FLRT1: variants seen among roughly 807,000 people sequenced by gnomAD.
FLRT1 encodes the protein fibronectin leucine rich transmembrane protein 1.
FLRT1 carries 14 observed loss-of-function variants against 30.9 expected under a neutral mutation model. The observed-to-expected ratio is 0.45, with a 90% CI of 0.30 to 0.71. The LOEUF (loss-of-function observed/expected upper bound fraction) is 0.71. Ranked by LOEUF, FLRT1 falls within the 30% of genes least tolerant of loss-of-function variation. The probability of loss-of-function intolerance (pLI) is 0.08; values close to 1 mark genes in which losing one functional copy is unlikely to be tolerated. For synonymous variants in FLRT1, 368 were observed against 430.4 expected, an observed-to-expected ratio of 0.85 and a Z score of 1.80; for missense variants, 737 against 949.2, an observed-to-expected ratio of 0.78 and a Z score of 2.94.
intron 1 of FLRT1, among the ~76,000 whole-genome samples, chr11:64,098,855 T>A (rs2134549784): frequency 6.6e-6 from 1 of 152,178 alleles, no homozygotes; most frequent in South Asian, 2.1e-4. Context: ...CCCACCTGGG[T>A]TTCTAGCAGC....
chr11:64,084,879 C>T (rs1471545634), intron 1 of FLRT1, among the ~76,000 whole-genome samples: 1 of 152,230 alleles, frequency 6.6e-6, no homozygotes, highest in Non-Finnish European at 1.5e-5. Context: ...ACAGGGAGAG[C>T]TGCGTGTGTG....
intron 1 of FLRT1, among the ~76,000 whole-genome samples, chr11:64,095,162 C>A (rs1944555231): frequency 6.6e-6 from 1 of 152,214 alleles, no homozygotes; most frequent in Non-Finnish European, 1.5e-5. Context: ...ATTCCACTCT[C>A]GTGTGAGGTG....
chr11:64,089,072 T>C (rs1944444601), intron 1 of FLRT1, among the ~76,000 whole-genome samples: 1 of 152,040 alleles, frequency 6.6e-6, no homozygotes, highest in South Asian at 2.1e-4. Flanking sequence ...CTGTCCTCCC[T>C]CCCTCCGGCC....
intron 1 of FLRT1, among the ~76,000 whole-genome samples, chr11:64,093,603 C>T (rs1286827409): frequency 1.3e-5 from 2 of 152,228 alleles, no homozygotes; most frequent in Non-Finnish European, 2.9e-5. Flanking sequence ...GTTCTTGGGC[C>T]TCCCAGAACA....
chr11:64,075,726 G>A (rs1279389851), intron 1 of FLRT1, among the ~76,000 whole-genome samples: 6 of 152,322 alleles, frequency 3.9e-5, no homozygotes, highest in South Asian at 2.1e-4. Flanking sequence ...AGGCTGGAGC[G>A]CAGTGGCACA....
intron 1 of FLRT1, among the ~76,000 whole-genome samples, chr11:64,088,878 G>A (rs1470588816): frequency 6.6e-6 from 1 of 152,174 alleles, no homozygotes; most frequent in Non-Finnish European, 1.5e-5. Flanking sequence ...GCGGAATCGG[G>A]TGTATTGAAG....
intron 2 of FLRT1, among the ~76,000 whole-genome samples, chr11:64,113,331 A>G (rs1944894398): frequency 6.6e-6 from 1 of 152,258 alleles, no homozygotes; most frequent in Non-Finnish European, 1.5e-5. Flanking sequence ...GGAATATAGT[A>G]GATGCTCAAT....
At chr11:64,070,586 C>T (rs190124483) in intron 1 of FLRT1, among the ~76,000 whole-genome samples, 1 of 152,198 alleles carries the variant, frequency 6.6e-6, no homozygotes, top group Non-Finnish European at 1.5e-5. Context: ...ACCCTCCCCT[C>T]TCCCCCGGAG....
At chr11:64,114,582 T>C (rs1480986754) in intron 2 of FLRT1, among the ~76,000 whole-genome samples, 1 of 145,248 alleles carries the variant, frequency 6.9e-6, no homozygotes, top group Non-Finnish European at 1.5e-5. Flanking sequence ...GACAGGTAGA[T>C]GCATGATGGA....
At position 64,067,653 on chromosome 11, in the gene FLRT1, A is replaced by G. The variant is rs1402142553; in HGVS notation, c.-1038+31494A>G. 3.9e-5 allele frequency among the ~76,000 whole-genome samples: 6 copies of G among 152,150 alleles called. No individual in the cohort carries two copies. The highest frequency in any genetic ancestry group is 2.6e-4 in the Admixed American group (4 of 15,288). The stretch of plus-strand genomic sequence containing the variant: ...CTCCGGTGCACACACAGGGTCCCCA[A>G]GCAGGCAGCTGGAGGGCTGGGGTGC... On this transcript the variant is annotated intron_variant, in intron 1 of 2. Transcript: ENST00000682287. This position sits in a 1 kb window ranked among gnomAD's most constrained non-coding sequence, Gnocchi z 4.6.
chr11:64,089,223 C>T (rs941893216), intron 1 of FLRT1, among the ~76,000 whole-genome samples: 7 of 152,228 alleles, frequency 4.6e-5, no homozygotes, highest in East Asian at 3.9e-4. Context: ...GGCATTGCAC[C>T]GCGGAGGTGA....
intron 1 of FLRT1, among the ~76,000 whole-genome samples, chr11:64,044,310 G>T (rs575403157): frequency 1.5e-4 from 23 of 149,600 alleles, no homozygotes; most frequent in Non-Finnish European, 7.4e-5. Flanking sequence ...GGAGTGCAGT[G>T]GTGCAATCAT....
At chr11:64,081,629 CTG>C (rs150434372) in intron 1 of FLRT1, 63,072 of 152,024 alleles carry the variant, frequency 0.41, 15,308 homozygotes, top group Non-Finnish European at 0.55. Flanking sequence ...GGGGACCACT[CTG>C]GGTGTAGACT....
intron 1 of FLRT1, among the ~76,000 whole-genome samples, chr11:64,097,284 A>G (rs748100434): frequency 6.6e-6 from 1 of 152,218 alleles, no homozygotes; most frequent in Non-Finnish European, 1.5e-5. Flanking sequence ...TCTGCGCCCA[A>G]TTTGGGCTTC....
chr11:64,048,053 G>T (rs761224888), intron 1 of FLRT1, among the ~76,000 whole-genome samples: 2 of 152,128 alleles, frequency 1.3e-5, no homozygotes, highest in Admixed American at 1.3e-4. Context: ...GGCCCTGCCC[G>T]CCTGAGGCCC....
At chr11:64,047,833 G>T (rs1398061875) in intron 1 of FLRT1, among the ~76,000 whole-genome samples, 8 of 150,510 alleles carry the variant, frequency 5.3e-5, no homozygotes, top group African/African-American at 2.0e-4. Context: ...GGAGGTAGAG[G>T]TTGCAGTGAG....
At chr11:64,091,979 G>A (rs1944498827) in intron 1 of FLRT1, among the ~76,000 whole-genome samples, 1 of 152,224 alleles carries the variant, frequency 6.6e-6, no homozygotes, top group Non-Finnish European at 1.5e-5. Flanking sequence ...GCTCTCAGGT[G>A]GTAGAGGACA....
Position 64,116,319 on chromosome 11 carries a change from G to A in FLRT1, c.52G>A (p.Val18Ile). ...TGCCACCACCACGCCCACTGCCACTGTCACGGCCACCGTTGTGATGACCAC... is the reference window on the plus strand; with the variant it reads ...TGCCACCACCACGCCCACTGCCACTATCACGGCCACCGTTGTGATGACCAC... ...ATATTTPTATVTATVVMTTAT... is the reference protein window; with the variant it reads ...ATATTTPTATITATVVMTTAT... Residue 18 changes from valine (V) to isoleucine (I), a missense_variant, in exon 3 of 3, where the codon GTC (valine) becomes ATC (isoleucine). Val to Ile is a conservative substitution (Grantham distance 29, BLOSUM62 3). Transcript: ENST00000682287. 6.2e-7 allele frequency: 1 copy of A among 1,609,402 alleles called. No individual in the cohort carries two copies. Among genetic ancestry groups the A allele is most frequent in the Non-Finnish European group, 8.5e-7 (1 of 1,178,858 alleles).
In FLRT1 at chr11:64,046,479, G is replaced by C. The variant is rs533626598; in HGVS notation, c.-1038+10320G>C. The stretch of plus-strand genomic sequence containing the variant: ...CTACCCTTGCCCTGGACCCCAGACA[G>C]TGCTGGCCTTTGTCTGGGACCCTGC... On this transcript the variant is annotated intron_variant, in intron 1 of 2. Transcript: ENST00000682287. Among the ~76,000 whole-genome samples, 16 of 152,312 alleles carry C rather than the reference G, an allele frequency of 1.1e-4. No individual in the cohort carries two copies. In the South Asian group the frequency reaches 3.3e-3, roughly 32 times the overall value.
Sources: allele counts gnomAD v4.1 joint callset (sites outside exome capture counted in the v4.1 genomes callset), GRCh38; gene constraint gnomAD v4.1.1; non-coding constraint Gnocchi (gnomAD v3.1); transcripts MANE v1.5; gene names NCBI Gene and HGNC (gene_info 2026-07-23, HGNC 2026-07-21).